Variants in USP24 observed in about 807,000 individuals in gnomAD.
The protein encoded by USP24 is ubiquitin specific peptidase 24.
A neutral mutation model predicts 361.6 loss-of-function variants in USP24; 97 were observed. The observed-to-expected ratio is 0.27, with a 90% CI of 0.23 to 0.32. The LOEUF (loss-of-function observed/expected upper bound fraction) is 0.32, where lower values mean the gene tolerates loss of function less well. Ranked by LOEUF, USP24 falls within the 10% of genes least tolerant of loss-of-function variation. USP24 has a pLI of 1.00. For missense variants in USP24, 2,353 were observed against 3,165.6 expected (o/e 0.74, Z 6.16); for synonymous variants, 1,098 against 1,124.6 (o/e 0.98, Z 0.47).
Position 55,147,510 on chromosome 1 carries a change from C to T in USP24, c.2118+139G>A, listed in dbSNP as rs1028270708. The T allele has an allele frequency of 2.5e-5, 22 of 885,050 alleles. No individual in the cohort carries two copies. In the African/African-American group the frequency reaches 3.3e-4, roughly 13 times the overall value. 54.8% of individuals were successfully genotyped at this position (885,050 alleles called of 1,614,324 possible). On this transcript the variant is annotated intron_variant, in intron 18 of 67. Transcript: ENST00000294383. ...AAGATAACTCACAAACACCAAGATA[C>T]AAAACTGTTCCCTCACTACAAAGAT... is the stretch of plus-strand genomic sequence containing the variant.
intron 1 of USP24, among the ~76,000 whole-genome samples, chr1:55,198,862 A>G (rs943966314): frequency 6.6e-6 from 1 of 152,246 alleles, no homozygotes; most frequent in East Asian, 1.9e-4. Context: ...TTCCTTAATA[A>G]ATAATAAAAT....
At chr1:55,070,821 G>C (rs1644906689) in intron 67 of USP24, among the ~76,000 whole-genome samples, 1 of 152,172 alleles carries the variant, frequency 6.6e-6, no homozygotes, top group African/African-American at 2.4e-5. Flanking sequence ...ATACACATTA[G>C]AACGCAAAGC....
At chr1:55,164,378 T>C (rs1648606694) in intron 7 of USP24, among the ~76,000 whole-genome samples, 1 of 152,074 alleles carries the variant, frequency 6.6e-6, no homozygotes, top group Admixed American at 6.6e-5. Flanking sequence ...TTGTTTTGTA[T>C]AGGTGTTTTT....
rs376014875 is a variant in USP24, at chr1:55,147,769, A to G, written c.1998T>C (p.Phe666=). The part of the protein sequence containing the change: ...KSIIQDLKKN[F]EIVKLVTGSL... ...TTCCCGTTACCAATTTCACTATTTCAAAATTCTTCTTCAAGTCTTGAATAA... is the reference window on the plus strand; with the variant it reads ...TTCCCGTTACCAATTTCACTATTTCGAAATTCTTCTTCAAGTCTTGAATAA... The change falls in exon 18 of 68, where the codon TTT becomes TTC. Residue 666 remains phenylalanine, a synonymous_variant. Coordinates refer to ENST00000294383, the MANE Select transcript of USP24 (RefSeq NM_015306.3). 57 of 1,612,710 alleles carry G rather than the reference A, an allele frequency of 3.5e-5. 1 individual carries two copies. In the African/African-American group the frequency reaches 6.5e-4, roughly 18 times the overall value.
intron 54 of USP24, among the ~76,000 whole-genome samples, chr1:55,091,227 G>GT (rs1645368950): frequency 6.6e-6 from 1 of 152,200 alleles, no homozygotes; most frequent in Admixed American, 6.5e-5. Flanking sequence ...ACAGCAGGAG[G>GT]TAAGTGGTGT....
chr1:55,162,267 G>A lies in USP24; in HGVS notation c.928-3C>T, dbSNP rs370054950. 2.6e-6 allele frequency: 4 copies of A among 1,555,788 alleles called. No homozygotes were observed. The East Asian group carries it at 7.1e-5, about 28-fold the overall frequency. On this transcript the variant is annotated splice_region_variant and splice_polypyrimidine_tract_variant and intron_variant, in intron 7 of 67. Transcript: ENST00000294383. Reference sequence around the variant, plus strand: ...GGCTGAATCAGTGCTGAGACAGCCTGGAAAAAGACAGTGAAGATTAAAAAT... The same window carrying A: ...GGCTGAATCAGTGCTGAGACAGCCTAGAAAAAGACAGTGAAGATTAAAAAT...
At chr1:55,214,531 C>G (rs1644933839) in intron 1 of USP24, among the ~76,000 whole-genome samples, 2 of 152,108 alleles carry the variant, frequency 1.3e-5, no homozygotes, top group South Asian at 4.1e-4. Context: ...CCCTCCTCAC[C>G]CCAACCCACA....
chr1:55,145,305 C>G (rs538669911), intron 20 of USP24, among the ~76,000 whole-genome samples: 14 of 152,252 alleles, frequency 9.2e-5, no homozygotes, highest in African/African-American at 3.4e-4. Flanking sequence ...TATACCCACA[C>G]AGTGGAATAT....
At chr1:55,122,319 G>C (rs1646305381) in intron 36 of USP24, among the ~76,000 whole-genome samples, 1 of 152,112 alleles carries the variant, frequency 6.6e-6, no homozygotes, top group African/African-American at 2.4e-5. Flanking sequence ...ATGTATGCTG[G>C]CTGCTGGGGG....
chr1:55,169,841 C>T (rs997515616), intron 5 of USP24, among the ~76,000 whole-genome samples: 3 of 151,900 alleles, frequency 2.0e-5, no homozygotes, highest in African/African-American at 2.4e-5. Context: ...TCAACTTTAC[C>T]GGGTAAAAAA....
chr1:55,164,658 A>T (rs1045298784), intron 7 of USP24, among the ~76,000 whole-genome samples: 4 of 152,088 alleles, frequency 2.6e-5, no homozygotes, highest in Non-Finnish European at 4.4e-5. Context: ...TTGTTCTGAA[A>T]AATGGTCTGA....
intron 3 of USP24, 46 bp downstream of exon 3, chr1:55,176,330 C>A: frequency 6.6e-7 from 1 of 1,506,958 alleles, no homozygotes; most frequent in East Asian, 2.5e-5. Flanking sequence ...TCACCCTGCC[C>A]CCACCCCGAC....
At chr1:55,076,324 C>CAATA (rs1249532449) in intron 62 of USP24, among the ~76,000 whole-genome samples, 1 of 152,156 alleles carries the variant, frequency 6.6e-6, no homozygotes, top group African/African-American at 2.4e-5. Context: ...CCCTAAGGAG[C>CAATA]AATAATCTGC....
In USP24 at chr1:55,092,041, C is replaced by A; in HGVS notation, c.6536G>T (p.Arg2179Leu). 1.2e-6 allele frequency: 2 copies of A among 1,610,142 alleles called. No homozygotes were observed. The highest frequency in any genetic ancestry group is 1.1e-5 in the South Asian group (1 of 90,212). ...AIQFLFQTYL[R>L]TKKKLRVDTE... ...TTCTCACCTGAGTTTCTTCTTTGTC[C>A]GTAGATAAGTTTGAAAAAGGAATTG... The change falls in exon 54 of 68, where the codon CGG becomes CTG. Residue 2179 changes from arginine (R) to leucine (L), a missense_variant. Physicochemically the swap from Arg to Leu is moderately radical, Grantham distance 102. Around this residue, in one of 8 missense-constraint regions of USP24, gnomAD observed 598 missense variants for 761.9 expected, o/e 0.78. Coordinates refer to ENST00000294383, the MANE Select transcript of USP24 (RefSeq NM_015306.3).
chr1:55,092,024 T>C lies in USP24; in HGVS notation c.6553A>G (p.Arg2185Gly). The C allele has an allele frequency of 5.6e-6, 9 of 1,604,658 alleles. No homozygotes were observed. Among genetic ancestry groups the C allele is most frequent in the Non-Finnish European group, 7.7e-6 (9 of 1,173,820 alleles). The stretch of plus-strand genomic sequence containing the variant: ...TTATCAAAACATATCACTTCTCACC[T>C]GAGTTTCTTCTTTGTCCGTAGATAA... ...QTYLRTKKKL[R>G]VDTEEWIATI... Residue 2185 changes from arginine (R) to glycine (G), a missense_variant and splice_region_variant, in exon 54 of 68, where the codon AGG (arginine) becomes GGG (glycine). Transcript: ENST00000294383.
At chr1:55,099,372 C>G (rs2100501578) in intron 45 of USP24, among the ~76,000 whole-genome samples, 1 of 152,194 alleles carries the variant, frequency 6.6e-6, no homozygotes, top group South Asian at 2.1e-4. Flanking sequence ...GCCTGGCCAA[C>G]ATGGCGAAAC....
At chr1:55,127,539 T>C (rs1646469312) in intron 32 of USP24, among the ~76,000 whole-genome samples, 1 of 152,192 alleles carries the variant, frequency 6.6e-6, no homozygotes, top group Non-Finnish European at 1.5e-5. Context: ...CGTGTGCATG[T>C]GTCTTTATAG....
intron 25 of USP24, 52 bp downstream of exon 25, chr1:55,138,892 C>A: frequency 1.3e-6 from 2 of 1,560,942 alleles, no homozygotes; most frequent in Non-Finnish European, 1.8e-6. Flanking sequence ...GTGGGAAGAT[C>A]GCTTGAGTCC....
At chr1:55,164,403 T>G (rs1198181802) in intron 7 of USP24, among the ~76,000 whole-genome samples, 4 of 152,024 alleles carry the variant, frequency 2.6e-5, no homozygotes, top group Admixed American at 6.6e-5. Context: ...AGTGGGCTTG[T>G]GAGTGATATT....
Sources: allele counts gnomAD v4.1 joint callset (sites outside exome capture counted in the v4.1 genomes callset), GRCh38; gene constraint gnomAD v4.1.1; regional missense constraint gnomAD v4.1.1; transcripts MANE v1.5; gene names NCBI Gene and HGNC (gene_info 2026-07-23, HGNC 2026-07-21).